The following IL10RA variants were observed in gnomAD, a reference collection of about 807,000 sequenced individuals.
IL10RA encodes interleukin-10 receptor subunit alpha.
IL10RA carries 18 observed loss-of-function variants against 29.6 expected under a neutral mutation model. That is an observed-to-expected ratio of 0.61 (90% confidence interval 0.42 to 0.90). IL10RA has a LOEUF of 0.90. Ranked by LOEUF, IL10RA falls within the 40% of genes least tolerant of loss-of-function variation. IL10RA has a pLI of 0.00. For synonymous variants in IL10RA, 292 were observed against 294.1 expected, an observed-to-expected ratio of 0.99 and a Z score of 0.07; for missense variants, 634 against 716.6, an observed-to-expected ratio of 0.88 and a Z score of 1.32.
At chr11:117,998,671 G>T in intron 6 of IL10RA, 44 bp from the exon 7 acceptor site, 1 of 1,580,476 alleles carries the variant, frequency 6.3e-7, no homozygotes, top group Non-Finnish European at 8.7e-7. Flanking sequence ...GATGGGTGCT[G>T]GAAGGTGACT....
intron 3 of IL10RA, chr11:117,993,030 T>G: frequency 3.5e-6 from 2 of 573,066 alleles, no homozygotes; most frequent in Non-Finnish European, 6.3e-6. Flanking sequence ...TCATATTCCA[T>G]TGGTTGATGC....
At position 117,989,346 on chromosome 11, in the gene IL10RA, A is replaced by G. The variant is rs1309992364; in HGVS notation, c.189-96A>G. ...CTGAGGGCTGTCCCAGTTTCTCCCA[A>G]TGTGGGAGCTCTCTTCCTGGCCTCT... On this transcript the variant is annotated intron_variant, in intron 2 of 6. Transcript: ENST00000227752. The surrounding 1 kb of genome is among the most constrained non-coding windows in gnomAD (Gnocchi z 4.5). 12 of 1,103,638 alleles carry G rather than the reference A, an allele frequency of 1.1e-5. No individual in the cohort carries two copies. Among genetic ancestry groups the G allele is most frequent in the South Asian group, 5.0e-5 (4 of 80,046 alleles). 68.4% of individuals were successfully genotyped at this position (1,103,638 alleles called of 1,614,324 possible).
At chr11:117,997,409 G>T (rs968610067) in intron 6 of IL10RA, among the ~76,000 whole-genome samples, 1 of 152,212 alleles carries the variant, frequency 6.6e-6, no homozygotes, top group African/African-American at 2.4e-5. Context: ...AAGTAATTTG[G>T]TCAGGGTGAC....
intron 5 of IL10RA, 164 bp from the exon 6 acceptor site, chr11:117,995,425 C>T: frequency 1.2e-6 from 1 of 840,800 alleles, no homozygotes; most frequent in Non-Finnish European, 2.0e-6. Flanking sequence ...TAGGGATTCG[C>T]AGAAACCTAG....
chr11:117,999,491 C>G lies in IL10RA; in HGVS notation c.1587C>G (p.Ser529Arg). ...AGGAATGGTCACTCCTGGCCTTGAG[C>G]AGCTGCAGTGACCTGGGAATATCTG... ...PTEEWSLLAL[S>R]SCSDLGISDW... Residue 529 changes from serine (S) to arginine (R), a missense_variant, in exon 7 of 7, where the codon AGC (serine) becomes AGG (arginine). Transcript: ENST00000227752. 6.2e-7 allele frequency: 1 copy of G among 1,614,218 alleles called. No homozygotes were observed. The highest frequency in any genetic ancestry group is 8.5e-7 in the Non-Finnish European group (1 of 1,180,036).
Position 118,000,713 on chromosome 11 carries a change from G to T in IL10RA, c.*1072G>T, listed in dbSNP as rs1408888646. 2.2e-6 allele frequency: 1 copy of T among 454,144 alleles called. No individual in the cohort carries two copies. The highest frequency in any genetic ancestry group is 4.4e-6 in the Non-Finnish European group (1 of 226,796). 28.1% of individuals were successfully genotyped at this position (454,144 alleles called of 1,614,324 possible). On this transcript the variant is annotated 3_prime_UTR_variant, in exon 7 of 7. Transcript: ENST00000227752. The stretch of plus-strand genomic sequence containing the variant: ...CTCAATCTCCCATCTGTGAAATAAG[G>T]ACTCCACCTTTAGGGGACCCTCCAT...
chr11:117,995,596 C>G lies in IL10RA; in HGVS notation c.696C>G (p.Thr232=), dbSNP rs4252311. The G allele has an allele frequency of 1.2e-6, 2 of 1,614,152 alleles. No individual in the cohort carries two copies. The highest frequency in any genetic ancestry group is 1.7e-6 in the Non-Finnish European group (2 of 1,180,014). The stretch of plus-strand genomic sequence containing the variant: ...ATCTCTCTGGGCCTGCAGATTTCAC[C>G]GTGACCAACGTCATCATCTTCTTTG... ...ECISLTRQYF[T]VTNVIIFFAF... is the part of the protein sequence containing the mutation. Residue 232 remains threonine, a synonymous_variant, in exon 6 of 7, where the codon ACC becomes ACG. Transcript: ENST00000227752.
chr11:117,986,717 T>C lies in IL10RA; in HGVS notation c.67+183T>C, dbSNP rs963650396. 6 of 1,533,940 alleles carry C rather than the reference T, an allele frequency of 3.9e-6. No homozygotes were observed. In the Middle Eastern group the frequency reaches 6.7e-4, roughly 170 times the overall value. On this transcript the variant is annotated intron_variant, in intron 1 of 6. Transcript: ENST00000227752. The stretch of plus-strand genomic sequence containing the variant: ...GTTGTGGAAGTGGAAGAGGCTGAAA[T>C]TGACAGGAACTGACGGATTGGGAAG...
Position 117,988,484 on chromosome 11 carries a change from A to G in IL10RA, c.170A>G (p.Tyr57Cys), listed in dbSNP as rs201643277. The change falls in exon 2 of 7, where the codon TAT becomes TGT. Residue 57 changes from tyrosine to cysteine, a missense_variant. By Grantham distance (194) the Tyr-to-Cys change is radical. Transcript: ENST00000227752. ...CCAAATCAGTCTGAAAGTACCTGCT[A>G]TGAAGTGGCGCTCCTGAGGTGAGGA... ...PIPNQSESTC[Y>C]EVALLRYGIE... 312 of 1,613,940 alleles carry G rather than the reference A, an allele frequency of 1.9e-4. No homozygotes were observed. Among genetic ancestry groups the G allele is most frequent in the Non-Finnish European group, 2.5e-4 (291 of 1,179,948 alleles).
intron 1 of IL10RA, 170 bp downstream of exon 1, chr11:117,986,704 G>C: frequency 3.3e-6 from 5 of 1,534,530 alleles, no homozygotes; most frequent in Non-Finnish European, 4.4e-6. Flanking sequence ...TGTGGAAGTG[G>C]AAGAGGCTGA....
chr11:117,992,399 G>A (rs1367830211), intron 3 of IL10RA, among the ~76,000 whole-genome samples: 1 of 152,158 alleles, frequency 6.6e-6, no homozygotes, highest in Admixed American at 6.5e-5. Context: ...TAACAGGTGT[G>A]GAGTGGTATC....
In IL10RA at chr11:117,999,983, T is replaced by C. The variant is rs745851262; in HGVS notation, c.*342T>C. ...TATTTGCTCAGGGGAACCATGGGGC[T>C]TTCTGGAGTTGTGGTGAGGCCACCA... On this transcript the variant is annotated 3_prime_UTR_variant, in exon 7 of 7. Coordinates refer to ENST00000227752, the MANE Select transcript of IL10RA (RefSeq NM_001558.4). 6 of 487,842 alleles carry C rather than the reference T, an allele frequency of 1.2e-5. No homozygotes were observed. Among genetic ancestry groups the C allele is most frequent in the Non-Finnish European group, 2.0e-5 (5 of 249,808 alleles). The allele number at this position is 487,842 out of a possible 1,614,324, so 30.2% of individuals were successfully genotyped here. A position where few individuals can be genotyped will look rare whatever the true frequency, so the allele number is the denominator to read the frequency against.
Position 117,988,458 on chromosome 11 carries a change from C to T in IL10RA, c.144C>T (p.Ile48=), listed in dbSNP as rs140466541. Residue 48 remains isoleucine (I), a synonymous_variant, in exon 2 of 7, where the codon ATC becomes ATT. Transcript: ENST00000227752. ...FFHHILHWTP[I]PNQSESTCYE... is the part of the protein sequence containing the mutation. The stretch of plus-strand genomic sequence containing the variant: ...ACCACATCCTCCACTGGACACCCAT[C>T]CCAAATCAGTCTGAAAGTACCTGCT... 3.0e-4 allele frequency: 479 copies of T among 1,614,182 alleles called. 1 individual carries two copies. In the African/African-American group the frequency reaches 6.0e-3, roughly 20 times the overall value.
chr11:117,995,370 G>A (rs554669033), intron 5 of IL10RA: 16 of 607,922 alleles, frequency 2.6e-5, no homozygotes, highest in Middle Eastern at 4.4e-4. Flanking sequence ...AGCAGTTAGC[G>A]CATCTCCTGA....
At chr11:117,993,498 CT>C in intron 4 of IL10RA, 88 bp downstream of exon 4, 1 of 1,227,748 alleles carries the variant, frequency 8.1e-7, no homozygotes, top group African/African-American at 1.5e-5. Context: ...CCATTGGGAA[CT>C]TTGCTTATGG....
chr11:118,000,768 G>A lies in IL10RA; in HGVS notation c.*1127G>A, dbSNP rs557883518. ...GCTGGGTATTAGCCAAGCTGGTCCT[G>A]GGAGAATGCAGATACTGTCCGTGGA... On this transcript the variant is annotated 3_prime_UTR_variant, in exon 7 of 7. Coordinates refer to ENST00000227752, the MANE Select transcript of IL10RA (RefSeq NM_001558.4). 6 of 454,266 alleles carry A rather than the reference G, an allele frequency of 1.3e-5. No individual in the cohort carries two copies. Among genetic ancestry groups the A allele is most frequent in the Admixed American group, 7.0e-5 (3 of 42,584 alleles). 28.1% of individuals were successfully genotyped at this position (454,266 alleles called of 1,614,324 possible). A position where few individuals can be genotyped will look rare whatever the true frequency, so the allele number is the denominator to read the frequency against.
chr11:117,999,017 G>A lies in IL10RA; in HGVS notation c.1113G>A (p.Gly371=), dbSNP rs780944197. 10 of 1,613,444 alleles carry A rather than the reference G, an allele frequency of 6.2e-6. No individual in the cohort carries two copies. In the East Asian group the frequency reaches 8.9e-5, roughly 14 times the overall value. Residue 371 remains glycine (G), a synonymous_variant, in exon 7 of 7, where the codon GGG becomes GGA. Coordinates refer to ENST00000227752, the MANE Select transcript of IL10RA (RefSeq NM_001558.4). ...GCAGCAGCAATAGCACAGACAGCGG[G>A]ATCTGCCTGCAGGAGCCCAGCCTGA... ...SSGSSNSTDS[G]ICLQEPSLSP...
rs1035104304 is a variant in IL10RA at position 117,986,691 on chromosome 11, T to C, written c.67+157T>C. 10 of 1,534,940 alleles carry C rather than the reference T, an allele frequency of 6.5e-6. No homozygotes were observed. In the African/African-American group the frequency reaches 8.2e-5, roughly 13 times the overall value. Reference sequence around the variant, plus strand: ...GGCAAACCTGGATCTCAGGCTCACCTGTTGTGGAAGTGGAAGAGGCTGAAA... The same window carrying C: ...GGCAAACCTGGATCTCAGGCTCACCCGTTGTGGAAGTGGAAGAGGCTGAAA... On this transcript the variant is annotated intron_variant, in intron 1 of 6. Coordinates refer to ENST00000227752, the MANE Select transcript of IL10RA (RefSeq NM_001558.4).
In IL10RA at chr11:117,989,063, C is replaced by T. The variant is rs1385342140; in HGVS notation, c.189-379C>T. On this transcript the variant is annotated intron_variant, in intron 2 of 6. Coordinates refer to ENST00000227752, the MANE Select transcript of IL10RA (RefSeq NM_001558.4). The surrounding 1 kb of genome is among the most constrained non-coding windows in gnomAD (Gnocchi z 4.5). The stretch of plus-strand genomic sequence containing the variant: ...GGCGTGAGCCACCACCTCCGGCCTC[C>T]AAGGCTTTTCTATCTTACTGGAAAA... Among the ~76,000 whole-genome samples, 1 of 152,174 alleles carries T rather than the reference C, an allele frequency of 6.6e-6. No homozygotes were observed. The highest frequency in any genetic ancestry group is 1.5e-5 in the Non-Finnish European group (1 of 68,016).
Sources: gnomAD v4.1 joint callset for allele counts (sites outside exome capture counted in the v4.1 genomes callset) on GRCh38, gnomAD v4.1.1 for gene constraint, Gnocchi (gnomAD v3.1) non-coding constraint, MANE v1.5 for transcripts, NCBI Gene and HGNC (gene_info 2026-07-23, HGNC 2026-07-21) for gene names.